Variants in CCT7 observed in about 807,000 individuals in gnomAD.
CCT7 encodes T-complex protein 1 subunit eta.
A neutral mutation model predicts 56.6 loss-of-function variants in CCT7; 16 were observed. The ratio of observed to expected loss-of-function variants is 0.28; its 90% CI spans 0.19 to 0.43. The LOEUF (loss-of-function observed/expected upper bound fraction) is 0.43. CCT7 is among the 20% of genes least tolerant of loss of function. CCT7 has a pLI of 1.00. For missense variants in CCT7, 519 were observed against 685.6 expected (o/e 0.76, Z 2.71); for synonymous variants, 262 against 254.8 (o/e 1.03, Z -0.27).
chr2:73,241,033 C>CTT (rs35842378), intron 3 of CCT7, among the ~76,000 whole-genome samples: 9,076 of 127,368 alleles, frequency 0.071, 790 homozygotes, highest in African/African-American at 0.2. Context: ...CTACACCAGG[C>CTT]TTTTTTTTTT....
At chr2:73,245,790 A>G (rs752939639) in intron 6 of CCT7, among the ~76,000 whole-genome samples, 1 of 152,166 alleles carries the variant, frequency 6.6e-6, no homozygotes, top group African/African-American at 2.4e-5. Flanking sequence ...ATTGTGGCAC[A>G]TGTCAGACCA....
At chr2:73,247,597 T>G (rs1471069552) in intron 6 of CCT7, among the ~76,000 whole-genome samples, 165 bp from the exon 7 acceptor site, 2 of 152,020 alleles carry the variant, frequency 1.3e-5, no homozygotes, top group Non-Finnish European at 2.9e-5. Flanking sequence ...AAAAAAGGAT[T>G]TGTCTTCGAT....
intron 1 of CCT7, among the ~76,000 whole-genome samples, chr2:73,236,465 C>T (rs184935934): frequency 6.6e-6 from 1 of 152,084 alleles, no homozygotes; most frequent in Non-Finnish European, 1.5e-5. Context: ...CTCAGCCTCC[C>T]AAGTAGCTGG....
rs544954407 is a variant in CCT7, at chr2:73,251,632, C to T, written c.1410+200C>T. The stretch of plus-strand genomic sequence containing the variant: ...TAGCACAGGAGATCCAGGGTTTCTT[C>T]ATTGCTTCTACCAAGAGTATGATCG... On this transcript the variant is annotated intron_variant, in intron 11 of 11. Coordinates refer to ENST00000258091, the MANE Select transcript of CCT7 (RefSeq NM_006429.4). Among the ~76,000 whole-genome samples, 21 of 152,310 alleles carry T rather than the reference C, an allele frequency of 1.4e-4. No homozygotes were observed. The East Asian group carries it at 2.9e-3, about 21-fold the overall frequency.
chr2:73,246,688 C>G (rs1248187251), intron 6 of CCT7, among the ~76,000 whole-genome samples: 1 of 152,160 alleles, frequency 6.6e-6, no homozygotes, highest in East Asian at 1.9e-4. Context: ...TTCTTACCCT[C>G]TAAATTCTAG....
chr2:73,239,557 G>T, intron 1 of CCT7, 86 bp from the exon 2 acceptor site: 1 of 1,228,462 alleles, frequency 8.1e-7, no homozygotes, highest in Admixed American at 2.1e-5. Flanking sequence ...TCTGTTAAGG[G>T]AGAGATGGGA....
At chr2:73,241,677 C>T (rs1687120347) in intron 3 of CCT7, among the ~76,000 whole-genome samples, 1 of 151,906 alleles carries the variant, frequency 6.6e-6, no homozygotes, top group African/African-American at 2.4e-5. Context: ...ATTTAGATCC[C>T]ATCACAGAAA....
chr2:73,244,285 C>T (rs559710738), intron 5 of CCT7: 20 of 611,262 alleles, frequency 3.3e-5, no homozygotes, highest in African/African-American at 3.1e-4. Context: ...GGCTGTTTGG[C>T]TCCTGCCAGA....
chr2:73,251,427 G>T lies in CCT7; in HGVS notation c.1405G>T (p.Ala469Ser). 1 of 1,379,364 alleles carries T rather than the reference G, an allele frequency of 7.2e-7. No individual in the cohort carries two copies. The highest frequency in any genetic ancestry group is 9.8e-7 in the Non-Finnish European group (1 of 1,021,278). The allele number at this position is 1,379,364 out of a possible 1,614,324, so 85.4% of individuals were successfully genotyped here. A position where few individuals can be genotyped will look rare whatever the true frequency, so the allele number is the denominator to read the frequency against. ...NILNKLRARHAQGGTWYGVDI... is the reference protein window; with the variant it reads ...NILNKLRARHSQGGTWYGVDI... ...TCTCAACAAGCTGCGGGCTCGGCAT[G>T]CCCAGGTGGGTCCTTTCTCTCCCCA... Residue 469 changes from alanine (A) to serine (S), a missense_variant, in exon 11 of 12, where the codon GCC becomes TCC. Physicochemically the swap from Ala to Ser is moderately conservative, Grantham distance 99. Coordinates refer to ENST00000258091, the MANE Select transcript of CCT7 (RefSeq NM_006429.4).
At position 73,251,535 on chromosome 2, in the gene CCT7, A is replaced by C. The variant is rs1224174259; in HGVS notation, c.1410+103A>C. 9.2e-6 allele frequency: 9 copies of C among 980,982 alleles called. No homozygotes were observed. The Admixed American group carries it at 1.6e-4, about 18-fold the overall frequency. The allele number at this position is 980,982 out of a possible 1,614,324, so 60.8% of individuals were successfully genotyped here. Reference sequence around the variant, plus strand: ...GCTGTGCACGCCTGGCCCAGGAGATAGGCTGCAACTCCCCCCAGCCTGTCT... The same window carrying C: ...GCTGTGCACGCCTGGCCCAGGAGATCGGCTGCAACTCCCCCCAGCCTGTCT... On this transcript the variant is annotated intron_variant, in intron 11 of 11. Coordinates refer to ENST00000258091, the MANE Select transcript of CCT7 (RefSeq NM_006429.4).
rs1687496612 is a variant in CCT7, at chr2:73,249,846, G to C, written c.1000G>C (p.Val334Leu). Residue 334 changes from valine to leucine, a missense_variant, in exon 9 of 12, where the codon GTG becomes CTG. Val to Leu is a conservative substitution (Grantham distance 32, BLOSUM62 1). This residue lies in a region of CCT7 where 237 missense variants were observed against 300.8 expected (regional missense o/e 0.79). Coordinates refer to ENST00000258091, the MANE Select transcript of CCT7 (RefSeq NM_006429.4). The part of the protein sequence containing the change: ...MACGGSIQTS[V>L]NALSADVLGR... ...CTGTGGAGGCTCAATCCAGACCAGT[G>C]TGAATGCTCTGTCAGCAGATGTGCT... 1 of 1,613,852 alleles carries C rather than the reference G, an allele frequency of 6.2e-7. No homozygotes were observed. Among genetic ancestry groups the C allele is most frequent in the Non-Finnish European group, 8.5e-7 (1 of 1,179,718 alleles).
intron 9 of CCT7, 105 bp from the exon 10 acceptor site, chr2:73,250,201 A>G (rs1309496960): frequency 1.9e-5 from 27 of 1,391,426 alleles, no homozygotes; most frequent in Non-Finnish European, 2.6e-5. Flanking sequence ...TGAGTGAAGA[A>G]TGTAAGAGCA....
At chr2:73,235,418 G>C (rs1243153414) in intron 1 of CCT7, 1 of 281,598 alleles carries the variant, frequency 3.6e-6, no homozygotes, top group Non-Finnish European at 5.6e-6. Context: ...GCTTCCTGCA[G>C]CTTTTCTCTG....
chr2:73,237,500 GC>G (rs1332467873), intron 1 of CCT7: 2 of 152,188 alleles, frequency 1.3e-5, no homozygotes, highest in African/African-American at 4.8e-5. Flanking sequence ...GAATGATTTA[GC>G]AAGACTGGGA....
chr2:73,236,122 C>T (rs1007202043), intron 1 of CCT7, among the ~76,000 whole-genome samples: 1 of 152,224 alleles, frequency 6.6e-6, no homozygotes, highest in Non-Finnish European at 1.5e-5. Flanking sequence ...AAACCTCAGT[C>T]CTGTGATGTT....
chr2:73,249,879 T>A lies in CCT7; in HGVS notation c.1033T>A (p.Cys345Ser). 1 of 1,614,002 alleles carries A rather than the reference T, an allele frequency of 6.2e-7. No homozygotes were observed. The highest frequency in any genetic ancestry group is 8.5e-7 in the Non-Finnish European group (1 of 1,179,842). Reference sequence around the variant, plus strand: ...TCTGTCAGCAGATGTGCTGGGTCGATGCCAGGTGTTTGAAGAGACCCAGAT... The same window carrying A: ...TCTGTCAGCAGATGTGCTGGGTCGAAGCCAGGTGTTTGAAGAGACCCAGAT... Reference protein sequence around the residue: ...NALSADVLGRCQVFEETQIGG... With the variant: ...NALSADVLGRSQVFEETQIGG... The change falls in exon 9 of 12, where the codon TGC becomes AGC. Residue 345 changes from cysteine (C) to serine (S), a missense_variant. Cys to Ser is a moderately radical substitution (Grantham distance 112). Around this residue, in one of 3 missense-constraint regions of CCT7, gnomAD observed 237 missense variants for 300.8 expected, o/e 0.79. Coordinates refer to ENST00000258091, the MANE Select transcript of CCT7 (RefSeq NM_006429.4).
rs780612914 is a variant in CCT7 at position 73,250,345 on chromosome 2, C to T, written c.1110C>T (p.Cys370=). The change falls in exon 10 of 12, where the codon TGC becomes TGT. Residue 370 remains cysteine, a synonymous_variant. Coordinates refer to ENST00000258091, the MANE Select transcript of CCT7 (RefSeq NM_006429.4). ...CTGGCTGCCCCAAGGCCAAGACATGCACCTTCATTCTCCGTGGCGGCGCCG... is the reference window on the plus strand; with the variant it reads ...CTGGCTGCCCCAAGGCCAAGACATGTACCTTCATTCTCCGTGGCGGCGCCG... ...FFTGCPKAKT[C]TFILRGGAEQ... 1.7e-4 allele frequency: 276 copies of T among 1,614,088 alleles called. 1 individual carries two copies. The highest frequency in any genetic ancestry group is 7.4e-5 in the Non-Finnish European group (87 of 1,180,008).
intron 11 of CCT7, among the ~76,000 whole-genome samples, chr2:73,251,974 A>G (rs1271278499): frequency 6.6e-6 from 1 of 151,620 alleles, no homozygotes; most frequent in Non-Finnish European, 1.5e-5. Context: ...TTCTTATGGT[A>G]CCACAGGAGG....
In CCT7 at chr2:73,251,256, A is replaced by G. The variant is rs1234567992; in HGVS notation, c.1234A>G (p.Ile412Val). ...NDSVVAGGGAIEMELSKYLRD... is the reference protein window; with the variant it reads ...NDSVVAGGGAVEMELSKYLRD... ...TTCAGTGGTGGCTGGTGGCGGGGCC[A>G]TTGAGATGGAACTCTCCAAGTACCT... Residue 412 changes from isoleucine (I) to valine (V), a missense_variant, in exon 11 of 12, where the codon ATT becomes GTT. This residue lies in a region of CCT7 where 237 missense variants were observed against 300.8 expected (regional missense o/e 0.79). Coordinates refer to ENST00000258091, the MANE Select transcript of CCT7 (RefSeq NM_006429.4). The G allele has an allele frequency of 2.5e-6, 4 of 1,614,054 alleles. No individual in the cohort carries two copies. Among genetic ancestry groups the G allele is most frequent in the African/African-American group, 1.3e-5 (1 of 74,908 alleles).
Sources: gnomAD v4.1 joint callset for allele counts (sites outside exome capture counted in the v4.1 genomes callset) on GRCh38, gnomAD v4.1.1 for gene constraint, gnomAD v4.1.1 regional missense constraint, MANE v1.5 for transcripts, NCBI Gene and HGNC (gene_info 2026-07-23, HGNC 2026-07-21) for gene names.